Variants in OR9Q1 observed in about 807,000 individuals in gnomAD.
OR9Q1 encodes olfactory receptor family 9 subfamily Q member 1, also known as olfactory receptor 9Q1.
For missense variants in OR9Q1, 374 were observed against 378.8 expected (o/e 0.99, Z 0.11); for synonymous variants, 153 against 148.6 (o/e 1.03, Z -0.22).
At chr11:58,062,314 C>CT (rs1223948745) in intron 2 of OR9Q1, among the ~76,000 whole-genome samples, 2 of 152,156 alleles carry the variant, frequency 1.3e-5, no homozygotes, top group Middle Eastern at 3.2e-3. Flanking sequence ...CATCCTCTCC[C>CT]TTATAAAGGA....
intron 2 of OR9Q1, among the ~76,000 whole-genome samples, chr11:58,162,959 G>C (rs942696937): frequency 3.3e-5 from 5 of 152,160 alleles, no homozygotes; most frequent in Admixed American, 6.5e-5. Context: ...TCTTTCTCTA[G>C]TAAGAAAGAT....
At chr11:58,131,428 A>G (rs1033220860) in intron 2 of OR9Q1, among the ~76,000 whole-genome samples, 2 of 152,128 alleles carry the variant, frequency 1.3e-5, no homozygotes, top group Non-Finnish European at 2.9e-5. Context: ...TATCTTTATT[A>G]ATAAGTCTTC....
intron 2 of OR9Q1, among the ~76,000 whole-genome samples, chr11:58,147,073 A>G (rs1329990666): frequency 6.6e-6 from 1 of 152,182 alleles, no homozygotes; most frequent in African/African-American, 2.4e-5. Flanking sequence ...ATGAAACAAC[A>G]GTTGGTGCAT....
chr11:58,130,326 AATGTAGTC>A (rs1317022846), intron 2 of OR9Q1, among the ~76,000 whole-genome samples: 1 of 152,248 alleles, frequency 6.6e-6, no homozygotes, highest in Non-Finnish European at 1.5e-5. Flanking sequence ...TTACAAAAAA[AATGTAGTC>A]ATGAGATACT....
At chr11:58,123,217 A>G (rs961172668) in intron 2 of OR9Q1, among the ~76,000 whole-genome samples, 2 of 152,204 alleles carry the variant, frequency 1.3e-5, no homozygotes, top group African/African-American at 4.8e-5. Context: ...TTTCAGCTAT[A>G]AATTTGTTTT....
chr11:58,086,549 T>C (rs1405354209), intron 2 of OR9Q1, among the ~76,000 whole-genome samples: 1 of 151,932 alleles, frequency 6.6e-6, no homozygotes, highest in African/African-American at 2.4e-5. Context: ...AAAAAAAATC[T>C]ACCATCCCAT....
At chr11:58,099,795 TTTTCC>T (rs1214050925) in intron 2 of OR9Q1, among the ~76,000 whole-genome samples, 1 of 152,208 alleles carries the variant, frequency 6.6e-6, no homozygotes, top group Non-Finnish European at 1.5e-5. Context: ...CTTGTTTCTC[TTTTCC>T]TTTCTTTTGA....
At chr11:58,040,612 C>T (rs895443752) in intron 1 of OR9Q1, 7 of 152,204 alleles carry the variant, frequency 4.6e-5, no homozygotes, top group Non-Finnish European at 8.8e-5. Context: ...TATTTGCAAA[C>T]ATGTCTTCTC....
intron 2 of OR9Q1, among the ~76,000 whole-genome samples, chr11:58,129,106 A>G (rs975307824): frequency 6.6e-6 from 1 of 152,172 alleles, no homozygotes; most frequent in Non-Finnish European, 1.5e-5. Flanking sequence ...TATCTCTTAC[A>G]GGTTTGCTTA....
chr11:58,181,253 T>C lies in OR9Q1; in HGVS notation c.*876T>C, dbSNP rs906068747. On this transcript the variant is annotated 3_prime_UTR_variant, in exon 3 of 3. Coordinates refer to ENST00000335397, the MANE Select transcript of OR9Q1 (RefSeq NM_001005212.4). ...AATGGCGTCTTCAGTGTCTGTATCA[T>C]AGACATTGACTCTCTGTGTTCTGAA... The C allele has an allele frequency of 6.0e-6, 1 of 167,116 alleles. No homozygotes were observed. 10.4% of individuals were successfully genotyped at this position (167,116 alleles called of 1,614,324 possible).
At chr11:58,044,517 G>A (rs1252952773) in intron 1 of OR9Q1, 3 of 152,248 alleles carry the variant, frequency 2.0e-5, no homozygotes, top group Non-Finnish European at 4.4e-5. Context: ...CATCTGTGCA[G>A]TCAGGTCGTG....
intron 2 of OR9Q1, among the ~76,000 whole-genome samples, chr11:58,067,837 T>C (rs1038486283): frequency 3.3e-5 from 5 of 152,180 alleles, no homozygotes; most frequent in African/African-American, 1.2e-4. Flanking sequence ...TGCACTGACT[T>C]ATAAGGTGGC....
rs567717220 is a variant in OR9Q1 at position 58,139,970 on chromosome 11, G to A, written c.-14-39461G>A. Among the ~76,000 whole-genome samples, 145 of 151,928 alleles carry A rather than the reference G, an allele frequency of 9.5e-4. 1 individual carries two copies. Among genetic ancestry groups the A allele is most frequent in the South Asian group, 4.8e-3 (23 of 4,780 alleles). On this transcript the variant is annotated intron_variant, in intron 2 of 2. Coordinates refer to ENST00000335397, the MANE Select transcript of OR9Q1 (RefSeq NM_001005212.4). Reference sequence around the variant, plus strand: ...GTTGTTTCCTGACTTTTTAATGATCGCCATTCTAACTTGTGTGAGATGGTA... The same window carrying A: ...GTTGTTTCCTGACTTTTTAATGATCACCATTCTAACTTGTGTGAGATGGTA...
chr11:58,079,406 A>G (rs146552339), intron 2 of OR9Q1, among the ~76,000 whole-genome samples: 377 of 152,334 alleles, frequency 2.5e-3, no homozygotes, highest in African/African-American at 8.7e-3. Flanking sequence ...TTAAAATTAT[A>G]TACTTTTTAG....
At chr11:58,170,759 G>A (rs1337823046) in intron 2 of OR9Q1, among the ~76,000 whole-genome samples, 1 of 152,110 alleles carries the variant, frequency 6.6e-6, no homozygotes, top group African/African-American at 2.4e-5. Flanking sequence ...CATGTAAGAT[G>A]TGCCTTTCAC....
At chr11:58,144,178 C>G (rs1327331563) in intron 2 of OR9Q1, among the ~76,000 whole-genome samples, 1 of 124,172 alleles carries the variant, frequency 8.1e-6, no homozygotes, top group African/African-American at 3.0e-5. Context: ...TCCCTCCCCC[C>G]TCCCCCCACC....
chr11:58,168,882 G>A (rs77532821), intron 2 of OR9Q1, among the ~76,000 whole-genome samples: 9,955 of 152,086 alleles, frequency 0.065, 424 homozygotes, highest in East Asian at 0.12. Context: ...ACATATCAAT[G>A]TCAATTATTT....
chr11:58,099,363 A>G (rs60935307), intron 2 of OR9Q1, among the ~76,000 whole-genome samples: 7,993 of 150,010 alleles, frequency 0.053, 298 homozygotes, highest in African/African-American at 0.099. Context: ...TCTGTACATT[A>G]TACCTTATTG....
chr11:58,173,292 C>T (rs1408501714), intron 2 of OR9Q1, among the ~76,000 whole-genome samples: 1 of 114,346 alleles, frequency 8.7e-6, no homozygotes, highest in Non-Finnish European at 1.7e-5. Context: ...CCCCCTCCCC[C>T]CACCCCACAA....
Sources: allele counts gnomAD v4.1 joint callset (sites outside exome capture counted in the v4.1 genomes callset), GRCh38; gene constraint gnomAD v4.1.1; transcripts MANE v1.5; gene names NCBI Gene and HGNC (gene_info 2026-07-23, HGNC 2026-07-21).